KMT2A: variants seen among roughly 807,000 people sequenced by gnomAD.
The protein encoded by KMT2A is histone-lysine N-methyltransferase 2A.
A neutral mutation model predicts 345.3 loss-of-function variants in KMT2A; 16 were observed. The ratio of observed to expected loss-of-function variants is 0.05; its 90% confidence interval spans 0.03 to 0.07. KMT2A has a LOEUF of 0.07. KMT2A is among the 10% of genes least tolerant of loss of function. The pLI is 1.00. For missense variants in KMT2A, 3,272 were observed against 4,841.6 expected, an observed-to-expected ratio of 0.68 and a Z score of 9.62; for synonymous variants, 1,599 against 1,778.6, an observed-to-expected ratio of 0.90 and a Z score of 2.54.
Position 118,498,037 on chromosome 11 carries a change from G to C in KMT2A, c.5766G>C (p.Lys1922Asn), listed in dbSNP as rs782104513. Reference protein sequence around the residue: ...EVFEDDDGSLKNVHMAVIRGK... With the variant: ...EVFEDDDGSLNNVHMAVIRGK... The stretch of plus-strand genomic sequence containing the variant: ...TTGAAGATGATGACGGATCACTAAA[G>C]AATGTGCATATGGCTGTGATCAGGG... The change falls in exon 21 of 36, where the codon AAG becomes AAC. Residue 1922 changes from lysine to asparagine, a missense_variant. By Grantham distance (94) the Lys-to-Asn change is moderately conservative (BLOSUM62 0). Around this residue, in one of 27 missense-constraint regions of KMT2A, gnomAD observed 235 missense variants for 503.4 expected, o/e 0.47. Transcript: ENST00000534358. The surrounding 1 kb of genome is among the most constrained non-coding windows in gnomAD (Gnocchi z 4.4). 6.2e-7 allele frequency: 1 copy of C among 1,614,116 alleles called. No homozygotes were observed. Among genetic ancestry groups the C allele is most frequent in the East Asian group, 2.2e-5 (1 of 44,872 alleles).
Position 118,525,981 on chromosome 11 carries a change from A to ATAT in KMT2A, c.*3809_*3810insTAT, listed in dbSNP as rs1951074207. 4.5e-6 allele frequency: 1 copy of ATAT among 220,172 alleles called. No homozygotes were observed. The highest frequency in any genetic ancestry group is 9.1e-6 in the Non-Finnish European group (1 of 109,896). The allele number at this position is 220,172 out of a possible 1,614,324, so 13.6% of individuals were successfully genotyped here. On this transcript the variant is annotated 3_prime_UTR_variant, in exon 36 of 36. Coordinates refer to ENST00000534358, the MANE Select transcript of KMT2A (RefSeq NM_001197104.2). ...TTGTTTTGGTTTTCAAATAAATATA[A>ATAT]ATATGATATATATAGGAACTAATAT...
chr11:118,459,196 A>G (rs1436452672), intron 1 of KMT2A, among the ~76,000 whole-genome samples: 1 of 152,058 alleles, frequency 6.6e-6, no homozygotes, highest in Non-Finnish European at 1.5e-5. Flanking sequence ...CAGCCACCCA[A>G]GAAGCTGGGA....
intron 1 of KMT2A, among the ~76,000 whole-genome samples, chr11:118,445,880 T>G (rs1447316765): frequency 5.3e-5 from 8 of 151,512 alleles, no homozygotes; most frequent in Non-Finnish European, 1.2e-4. Context: ...GTTGCGCACC[T>G]GTATCCCCAG....
rs1312305627 is a variant in KMT2A at position 118,491,551 on chromosome 11, A to G, written c.4820-193A>G. On this transcript the variant is annotated intron_variant, in intron 14 of 35. Transcript: ENST00000534358. This position sits in a 1 kb window ranked among gnomAD's most constrained non-coding sequence, Gnocchi z 4.2. ...GTGTTCCATAACCTGATTCTCAATA[A>G]CCAAATTCAGGATTAGTGTTAATTA... is the stretch of plus-strand genomic sequence containing the variant. 6.6e-6 allele frequency among the ~76,000 whole-genome samples: 1 copy of G among 152,206 alleles called. No individual in the cohort carries two copies. The highest frequency in any genetic ancestry group is 2.4e-5 in the African/African-American group (1 of 41,452).
chr11:118,447,852 C>A, intron 1 of KMT2A: 1 of 246,702 alleles, frequency 4.1e-6, no homozygotes, highest in South Asian at 4.2e-5. Flanking sequence ...AGGTTTAAAC[C>A]GAAATCAGGA....
At chr11:118,460,689 G>C (rs540914931) in intron 1 of KMT2A, among the ~76,000 whole-genome samples, 78 of 152,188 alleles carry the variant, frequency 5.1e-4, no homozygotes, top group African/African-American at 1.9e-3. Context: ...ACAGGATCTG[G>C]CTATGTTGCT....
In KMT2A at chr11:118,505,456, T is replaced by C; in HGVS notation, c.9564T>C (p.Leu3188=). ...TCAGCAATCCTCCTTCAGGCCTGCT[T>C]ATTGGGGTTCAGCCTCCTCCGGATC... ...PNISNPPSGL[L]IGVQPPPDPQ... is the part of the protein sequence containing the mutation. The change falls in exon 27 of 36, where the codon CTT becomes CTC. Residue 3188 remains leucine (L), a synonymous_variant. Coordinates refer to ENST00000534358, the MANE Select transcript of KMT2A (RefSeq NM_001197104.2). This position sits in a 1 kb window ranked among gnomAD's most constrained non-coding sequence, Gnocchi z 4.6. 1 of 1,614,164 alleles carries C rather than the reference T, an allele frequency of 6.2e-7. No individual in the cohort carries two copies. Among genetic ancestry groups the C allele is most frequent in the Non-Finnish European group, 8.5e-7 (1 of 1,180,000 alleles).
chr11:118,445,120 A>G (rs1555026798), intron 1 of KMT2A, among the ~76,000 whole-genome samples: 1 of 152,212 alleles, frequency 6.6e-6, no homozygotes, highest in Non-Finnish European at 1.5e-5. Context: ...ATATGTATGC[A>G]TACATACACC....
chr11:118,526,278 T>C lies in KMT2A; in HGVS notation c.*4106T>C, dbSNP rs1176009189. On this transcript the variant is annotated 3_prime_UTR_variant, in exon 36 of 36. Transcript: ENST00000534358. ...AGTACCTGTCCTCCTTGTTTCTCTATTTTTGGTTATGAATGTTGGGGTTAC... is the reference window on the plus strand; with the variant it reads ...AGTACCTGTCCTCCTTGTTTCTCTACTTTTGGTTATGAATGTTGGGGTTAC... 1.8e-5 allele frequency: 4 copies of C among 222,178 alleles called. No homozygotes were observed. Among genetic ancestry groups the C allele is most frequent in the Non-Finnish European group, 3.6e-5 (4 of 111,216 alleles). 13.8% of individuals were successfully genotyped at this position (222,178 alleles called of 1,614,324 possible). A position where few individuals can be genotyped will look rare whatever the true frequency, so the allele number is the denominator to read the frequency against.
rs551473039 is a variant in KMT2A at position 118,499,287 on chromosome 11, A to G, written c.5962-16A>G. ...AAGGGACAGCCTATTAACAGCTACC[A>G]TGGGTTTTATTTAAGGTGGTTCCTG... On this transcript the variant is annotated splice_polypyrimidine_tract_variant and intron_variant, in intron 22 of 35. Coordinates refer to ENST00000534358, the MANE Select transcript of KMT2A (RefSeq NM_001197104.2). 3.9e-6 allele frequency: 6 copies of G among 1,526,108 alleles called. No individual in the cohort carries two copies. Among genetic ancestry groups the G allele is most frequent in the Middle Eastern group, 1.7e-4 (1 of 5,902 alleles). 94.5% of individuals were successfully genotyped at this position (1,526,108 alleles called of 1,614,324 possible). A position where few individuals can be genotyped will look rare whatever the true frequency, so the allele number is the denominator to read the frequency against.
rs1950979400 is a variant in KMT2A at position 118,521,884 on chromosome 11, T to C, written c.11644-13T>C. The C allele has an allele frequency of 6.2e-7, 1 of 1,606,784 alleles. No homozygotes were observed. On this transcript the variant is annotated splice_polypyrimidine_tract_variant and intron_variant, in intron 35 of 35. Transcript: ENST00000534358. The surrounding 1 kb of genome is among the most constrained non-coding windows in gnomAD (Gnocchi z 5.3). ...GAAATGACAAGTTCTTCTCCCTTCT[T>C]CTGCATGTGCAGGGCATTGGTTGCT...
At chr11:118,485,013 T>C (rs1555040507) in intron 10 of KMT2A, 38 bp downstream of exon 10, 4 of 1,236,884 alleles carry the variant, frequency 3.2e-6, no homozygotes, top group Admixed American at 1.7e-5. Flanking sequence ...AGGAAGTACA[T>C]AAATTATTTT....
At chr11:118,444,439 GA>G (rs1949376082) in intron 1 of KMT2A, among the ~76,000 whole-genome samples, 1 of 152,162 alleles carries the variant, frequency 6.6e-6, no homozygotes, top group Non-Finnish European at 1.5e-5. Context: ...AGAAGAAAGG[GA>G]GAATCTCATA....
chr11:118,467,574 A>AT (rs1949869049), intron 1 of KMT2A, among the ~76,000 whole-genome samples: 1 of 152,182 alleles, frequency 6.6e-6, no homozygotes, highest in South Asian at 2.1e-4. Flanking sequence ...AAGCATTTAA[A>AT]TTTAAGAGAT....
At position 118,495,793 on chromosome 11, in the gene KMT2A, G is replaced by T; in HGVS notation, c.5457G>T (p.Gln1819His). Reference protein sequence around the residue: ...QEREENSHTEQPPLMKKIIPA... With the variant: ...QEREENSHTEHPPLMKKIIPA... ...GAGAGGAAAACAGCCACACTGAGCA[G>T]CCTCCTTTAATGAAGAAAATCATTC... The change falls in exon 19 of 36, where the codon CAG becomes CAT. Residue 1819 changes from glutamine (Q) to histidine (H), a missense_variant. Transcript: ENST00000534358. The surrounding 1 kb of genome is among the most constrained non-coding windows in gnomAD (Gnocchi z 4.1). The T allele has an allele frequency of 6.2e-7, 1 of 1,614,100 alleles. No homozygotes were observed. The highest frequency in any genetic ancestry group is 8.5e-7 in the Non-Finnish European group (1 of 1,180,002).
chr11:118,440,765 GGTA>G (rs1328334919), intron 1 of KMT2A, among the ~76,000 whole-genome samples: 1 of 151,628 alleles, frequency 6.6e-6, no homozygotes, highest in Non-Finnish European at 1.5e-5. Flanking sequence ...GCAGCTGAAA[GGTA>G]GTAGGAGAGC....
At position 118,472,002 on chromosome 11, in the gene KMT2A, C is replaced by T. The variant is rs782024189; in HGVS notation, c.843C>T (p.Leu281=). 1 of 1,613,982 alleles carries T rather than the reference C, an allele frequency of 6.2e-7. No individual in the cohort carries two copies. Among genetic ancestry groups the T allele is most frequent in the Non-Finnish European group, 8.5e-7 (1 of 1,179,996 alleles). ...KKLRAGKLSP[L]KSKFKTGKLQ... is the part of the protein sequence containing the mutation. ...TAAGAGCAGGTAAACTCTCTCCTCT[C>T]AAGTCTAAGTTTAAGACAGGGAAGC... The change falls in exon 3 of 36, where the codon CTC becomes CTT. Residue 281 remains leucine, a synonymous_variant. Coordinates refer to ENST00000534358, the MANE Select transcript of KMT2A (RefSeq NM_001197104.2).
At chr11:118,441,322 T>G (rs1352912564) in intron 1 of KMT2A, among the ~76,000 whole-genome samples, 2 of 152,136 alleles carry the variant, frequency 1.3e-5, no homozygotes, top group African/African-American at 4.8e-5. Context: ...ACTGGCATTA[T>G]TATTAGGAGG....
rs9332841 is a variant in KMT2A, at chr11:118,504,542, T to C, written c.8650T>C (p.Leu2884=). Residue 2884 remains leucine (L), a synonymous_variant, in exon 27 of 36, where the codon TTG becomes CTG. Coordinates refer to ENST00000534358, the MANE Select transcript of KMT2A (RefSeq NM_001197104.2). The surrounding 1 kb of genome is among the most constrained non-coding windows in gnomAD (Gnocchi z 6.4). ...AGAACTCCTGAATCTTGGTGAAGGA[T>C]TGGGTCTTGACAGTAATCGTGAAAA... The part of the protein sequence containing the change: ...SSELLNLGEG[L]GLDSNREKDM... 6.5e-4 allele frequency: 1,050 copies of C among 1,614,124 alleles called. 12 individuals carry two copies. The South Asian group carries it at 8.5e-3, about 13-fold the overall frequency.
Sources: allele counts gnomAD v4.1 joint callset (sites outside exome capture counted in the v4.1 genomes callset), GRCh38; gene constraint gnomAD v4.1.1; regional missense constraint gnomAD v4.1.1; non-coding constraint Gnocchi (gnomAD v3.1); transcripts MANE v1.5; gene names NCBI Gene and HGNC (gene_info 2026-07-23, HGNC 2026-07-21).